NCF2: variants seen among roughly 807,000 people sequenced by gnomAD.
NCF2 encodes the protein neutrophil cytosol factor 2.
In NCF2, 45 loss-of-function variants were observed where a neutral mutation model predicts 70.9. The ratio of observed to expected loss-of-function variants is 0.63; its 90% CI spans 0.50 to 0.81. The LOEUF (loss-of-function observed/expected upper bound fraction) is 0.81. Among genes scored for constraint, NCF2 ranks in the 40% least tolerant of loss-of-function variants. NCF2 has a pLI of 0.00. For missense variants in NCF2, 522 were observed against 631.6 expected, an observed-to-expected ratio of 0.83 and a Z score of 1.86; for synonymous variants, 203 against 233.6, an observed-to-expected ratio of 0.87 and a Z score of 1.19.
chr1:183,590,569 A>C (rs2274065), upstream of NCF2: 69,376 of 585,042 alleles, frequency 0.12, 7,557 homozygotes, highest in African/African-American at 0.44. Flanking sequence ...AAAAGGAAAG[A>C]AGCAGAGAGA....
chr1:183,564,478 A>G (rs1672218640), intron 10 of NCF2, among the ~76,000 whole-genome samples: 1 of 152,096 alleles, frequency 6.6e-6, no homozygotes, highest in African/African-American at 2.4e-5. Flanking sequence ...TCTATTAATC[A>G]AGCAATCTAA....
chr1:183,564,433 G>A (rs1672216192), intron 10 of NCF2, among the ~76,000 whole-genome samples: 1 of 152,160 alleles, frequency 6.6e-6, no homozygotes, highest in African/African-American at 2.4e-5. Context: ...CTTTATTTTT[G>A]TGTATGTTTC....
chr1:183,573,284 C>A lies in NCF2; in HGVS notation c.510G>T (p.Lys170Asn), dbSNP rs868128180. 6.2e-7 allele frequency: 1 copy of A among 1,614,004 alleles called. No individual in the cohort carries two copies. The highest frequency in any genetic ancestry group is 1.6e-4 in the Middle Eastern group (1 of 6,062). Residue 170 changes from lysine (K) to asparagine (N), a missense_variant, in exon 5 of 15, where the codon AAG becomes AAT. Transcript: ENST00000367535. Reference sequence around the variant, plus strand: ...CAGGGATCACCACTGGCTCATATAGCTTCTGCTTCTGTAACACAGAAAACG... The same window carrying A: ...CAGGGATCACCACTGGCTCATATAGATTCTGCTTCTGTAACACAGAAAACG... ...DKAMECVWKQ[K>N]LYEPVVIPVG... is the part of the protein sequence containing the mutation.
rs1178973806 is a variant in NCF2 at position 183,577,690 on chromosome 1, T to C, written c.275A>G (p.Lys92Arg). The C allele has an allele frequency of 6.2e-7, 1 of 1,612,758 alleles. No individual in the cohort carries two copies. Reference sequence around the variant, plus strand: ...CTGAATCAAGGCTTCTTTAAGGTCTTTGATAGCCAAATCATATCTGCAGGA... The same window carrying C: ...CTGAATCAAGGCTTCTTTAAGGTCTCTGATAGCCAAATCATATCTGCAGGA... ...YQTEKYDLAI[K>R]DLKEALIQLR... Residue 92 changes from lysine (K) to arginine (R), a missense_variant, in exon 3 of 15, where the codon AAA (lysine) becomes AGA (arginine). Lys to Arg is a conservative substitution (Grantham distance 26). Transcript: ENST00000367535.
chr1:183,589,322 T>C (rs1434883367), intron 1 of NCF2, among the ~76,000 whole-genome samples: 1 of 152,152 alleles, frequency 6.6e-6, no homozygotes, highest in Non-Finnish European at 1.5e-5. Context: ...TAGTTTGGCA[T>C]CTCACTTAAT....
upstream of NCF2, chr1:183,590,740 C>G: frequency 3.9e-6 from 1 of 255,976 alleles, no homozygotes. Flanking sequence ...GCTTCTAGAG[C>G]CAGGGTAACC....
At position 183,560,157 on chromosome 1, in the gene NCF2, C is replaced by T; in HGVS notation, c.1407G>A (p.Glu469=). 6.2e-7 allele frequency: 1 copy of T among 1,614,136 alleles called. No individual in the cohort carries two copies. Among genetic ancestry groups the T allele is most frequent in the Non-Finnish European group, 8.5e-7 (1 of 1,180,016 alleles). Residue 469 remains glutamate, a synonymous_variant, in exon 14 of 15, where the codon GAG becomes GAA. Transcript: ENST00000367535. ...GSQVEALFSY[E]ATQPEDLEFQ... is the part of the protein sequence containing the mutation. ...ACTCCAGGTCCTCTGGTTGGGTAGC[C>T]TCATAACTGAAGAGTGCCTCCACTT...
intron 9 of NCF2, among the ~76,000 whole-genome samples, 170 bp from the exon 10 acceptor site, chr1:183,565,949 A>G (rs1041103818): frequency 1.3e-5 from 2 of 152,256 alleles, no homozygotes; most frequent in African/African-American, 4.8e-5. Context: ...AATGTTGGCC[A>G]AAAGAGGAGG....
intron 9 of NCF2, among the ~76,000 whole-genome samples, chr1:183,566,553 T>C (rs891739884): frequency 3.9e-5 from 6 of 152,192 alleles, no homozygotes; most frequent in African/African-American, 1.2e-4. Flanking sequence ...CTCATTTTCT[T>C]TCTAATGGCA....
At chr1:183,576,739 C>T (rs1296029927) in intron 3 of NCF2, among the ~76,000 whole-genome samples, 1 of 152,128 alleles carries the variant, frequency 6.6e-6, no homozygotes, top group Non-Finnish European at 1.5e-5. Flanking sequence ...CCCCAGGGGC[C>T]GAGGGCGGCT....
At chr1:183,586,570 T>A (rs1186680147) in intron 2 of NCF2, among the ~76,000 whole-genome samples, 1 of 152,182 alleles carries the variant, frequency 6.6e-6, no homozygotes, top group African/African-American at 2.4e-5. Flanking sequence ...GACAGCTCAG[T>A]ACCTCATAGG....
At chr1:183,579,599 C>T (rs1434389090) in intron 2 of NCF2, among the ~76,000 whole-genome samples, 2 of 151,710 alleles carry the variant, frequency 1.3e-5, no homozygotes, top group Non-Finnish European at 2.9e-5. Flanking sequence ...ATTAGCTGGG[C>T]ATGGTGGTGG....
At chr1:183,585,395 G>A (rs1673296758) in intron 2 of NCF2, among the ~76,000 whole-genome samples, 2 of 152,130 alleles carry the variant, frequency 1.3e-5, no homozygotes, top group African/African-American at 4.8e-5. Context: ...GGAGGCCGAG[G>A]CGGGTGGATC....
chr1:183,581,595 CAA>C (rs1345345698), intron 2 of NCF2, among the ~76,000 whole-genome samples: 2 of 151,918 alleles, frequency 1.3e-5, no homozygotes, highest in Non-Finnish European at 2.9e-5. Context: ...TCCCAAAGTA[CAA>C]AGACTGCAAC....
chr1:183,574,707 T>C, intron 3 of NCF2, 86 bp from the exon 4 acceptor site: 1 of 1,509,634 alleles, frequency 6.6e-7, no homozygotes, highest in Non-Finnish European at 9.2e-7. Flanking sequence ...ACTCTGAGAA[T>C]GTTGCCTGGT....
the NCF2 span, among the ~76,000 whole-genome samples, chr1:183,600,291 T>A: frequency 6.6e-6 from 1 of 152,158 alleles, no homozygotes; most frequent in East Asian, 1.9e-4. Flanking sequence ...TCAGTATGAG[T>A]CAACAAAATC....
At chr1:183,562,723 C>T (rs974523339) in intron 13 of NCF2, among the ~76,000 whole-genome samples, 1 of 151,708 alleles carries the variant, frequency 6.6e-6, no homozygotes, top group Non-Finnish European at 1.5e-5. Flanking sequence ...ATCCCAGCTA[C>T]TCAGGAGGCT....
intron 14 of NCF2, among the ~76,000 whole-genome samples, chr1:183,559,574 G>A (rs1406048319): frequency 6.6e-6 from 1 of 152,014 alleles, no homozygotes. Flanking sequence ...GATGTTTATC[G>A]CCGGCCAGGT....
chr1:183,590,029 G>A (rs1335687278), intron 1 of NCF2, 127 bp downstream of exon 1: 1 of 1,397,592 alleles, frequency 7.2e-7, no homozygotes, highest in East Asian at 2.3e-5. Flanking sequence ...GGCTGTCTAG[G>A]GGTGGAGCTT....
Sources: allele counts gnomAD v4.1 joint callset (sites outside exome capture counted in the v4.1 genomes callset), GRCh38; gene constraint gnomAD v4.1.1; transcripts MANE v1.5; gene names NCBI Gene and HGNC (gene_info 2026-07-23, HGNC 2026-07-21).